The following USH2A variants were observed in gnomAD, a reference collection of about 807,000 sequenced individuals.
The protein encoded by USH2A is usherin.
A neutral mutation model predicts 538.9 loss-of-function variants in USH2A; 443 were observed. That is an observed-to-expected ratio of 0.82 (90% CI 0.76 to 0.89). The LOEUF (loss-of-function observed/expected upper bound fraction) is 0.89, where lower values mean the gene tolerates loss of function less well. Ranked by LOEUF, USH2A falls within the 40% of genes least tolerant of loss-of-function variation. The pLI is 0.00. For synonymous variants in USH2A, 2,413 were observed against 2,273.5 expected, an observed-to-expected ratio of 1.06 and a Z score of -1.75; for missense variants, 6,633 against 6,324.8, an observed-to-expected ratio of 1.05 and a Z score of -1.65.
intron 35 of USH2A, among the ~76,000 whole-genome samples, chr1:215,974,421 T>A (rs1667572320): frequency 6.6e-6 from 1 of 152,078 alleles, no homozygotes; most frequent in Admixed American, 6.6e-5. Flanking sequence ...GATGCTGAGG[T>A]TTGGGATGTG....
At chr1:216,070,385 A>T in intron 29 of USH2A, 93 bp from the exon 30 acceptor site, 2 of 1,147,440 alleles carry the variant, frequency 1.7e-6, no homozygotes, top group South Asian at 2.6e-5. Flanking sequence ...AGTAAATCAG[A>T]CTCAACCATT....
At chr1:216,234,976 C>T (rs1339761383) in intron 13 of USH2A, among the ~76,000 whole-genome samples, 3 of 152,092 alleles carry the variant, frequency 2.0e-5, no homozygotes, top group Non-Finnish European at 2.9e-5. Context: ...AATTCCCCTC[C>T]TCCTCTCAGG....
At chr1:216,389,275 T>C (rs1421064981) in intron 3 of USH2A, among the ~76,000 whole-genome samples, 6 of 152,178 alleles carry the variant, frequency 3.9e-5, no homozygotes, top group Admixed American at 3.3e-4. Flanking sequence ...AATAAATAAA[T>C]GCTGCCACTT....
rs1234117839 is a variant in USH2A, at chr1:216,421,807, T to C, written c.485+45A>G. 10 of 1,613,464 alleles carry C rather than the reference T, an allele frequency of 6.2e-6. No homozygotes were observed. The East Asian group carries it at 6.7e-5, about 11-fold the overall frequency. The stretch of plus-strand genomic sequence containing the variant: ...AGGCTGAAATGATCTTCACTACTAC[T>C]GGTTTTGGGGACCTATGAAAGCTTA... On this transcript the variant is annotated intron_variant, in intron 2 of 71. Coordinates refer to ENST00000307340, the MANE Select transcript of USH2A (RefSeq NM_206933.4).
chr1:216,150,069 C>A (rs979335732), intron 21 of USH2A, among the ~76,000 whole-genome samples: 2 of 152,008 alleles, frequency 1.3e-5, no homozygotes, highest in African/African-American at 4.8e-5. Flanking sequence ...CTTTTTGCAA[C>A]AGGGCTTTAC....
chr1:216,392,306 G>A (rs2039124081), intron 3 of USH2A, among the ~76,000 whole-genome samples: 1 of 151,910 alleles, frequency 6.6e-6, no homozygotes, highest in Admixed American at 6.6e-5. Context: ...CGACCATCCT[G>A]ACTAACACGG....
At chr1:216,022,727 G>C (rs1341406420) in intron 32 of USH2A, among the ~76,000 whole-genome samples, 1 of 152,058 alleles carries the variant, frequency 6.6e-6, no homozygotes, top group Non-Finnish European at 1.5e-5. Context: ...AACAGCAGAG[G>C]GGCATATTAG....
intron 20 of USH2A, among the ~76,000 whole-genome samples, chr1:216,186,604 C>G (rs2034609088): frequency 2.0e-5 from 3 of 151,854 alleles, no homozygotes; most frequent in Admixed American, 6.6e-5. Flanking sequence ...TGATTATAAC[C>G]TATAGCATTA....
At chr1:216,085,124 T>G (rs970873494) in intron 24 of USH2A, 5 of 461,332 alleles carry the variant, frequency 1.1e-5, no homozygotes, top group African/African-American at 7.8e-5. Flanking sequence ...AACCTTGGTT[T>G]TGCAGTAGCA....
intron 21 of USH2A, among the ~76,000 whole-genome samples, chr1:216,159,571 C>CAGAG (rs1553309029): frequency 4.8e-5 from 7 of 145,246 alleles, no homozygotes; most frequent in Non-Finnish European, 9.2e-5. Context: ...CACACACACA[C>CAGAG]AGAGAATATT....
intron 62 of USH2A, among the ~76,000 whole-genome samples, chr1:215,676,773 T>G (rs904746240): frequency 1.1e-4 from 15 of 141,906 alleles, no homozygotes; most frequent in African/African-American, 3.7e-4. Flanking sequence ...GCTTGCAGCC[T>G]CTGTGACCCC....
At chr1:216,068,153 A>G (rs1372088765) in intron 30 of USH2A, among the ~76,000 whole-genome samples, 1 of 152,162 alleles carries the variant, frequency 6.6e-6, no homozygotes, top group African/African-American at 2.4e-5. Context: ...TTTTTTGCCT[A>G]TGTAAACATG....
At chr1:215,969,961 G>C (rs1355385701) in intron 36 of USH2A, among the ~76,000 whole-genome samples, 1 of 152,132 alleles carries the variant, frequency 6.6e-6, no homozygotes, top group Admixed American at 6.6e-5. Flanking sequence ...ACTGAAGACT[G>C]TCCTGCTAGT....
chr1:216,172,642 A>T (rs1370477145), intron 21 of USH2A, among the ~76,000 whole-genome samples: 2 of 152,102 alleles, frequency 1.3e-5, no homozygotes, highest in Admixed American at 1.3e-4. Context: ...TATATTTTAA[A>T]CATCTAGCTT....
chr1:215,942,022 G>C (rs1024448871), intron 37 of USH2A, among the ~76,000 whole-genome samples: 2 of 152,078 alleles, frequency 1.3e-5, no homozygotes, highest in African/African-American at 4.8e-5. Context: ...ACTGGGTCCT[G>C]TGCTCAGGGT....
At chr1:215,702,271 T>G (rs1182921672) in intron 61 of USH2A, among the ~76,000 whole-genome samples, 1 of 152,168 alleles carries the variant, frequency 6.6e-6, no homozygotes, top group Non-Finnish European at 1.5e-5. Flanking sequence ...TCATTTCAAC[T>G]TTGGTGAATC....
At chr1:216,046,306 T>G in intron 32 of USH2A, 125 bp downstream of exon 32, 2 of 1,020,852 alleles carry the variant, frequency 2.0e-6, no homozygotes, top group Non-Finnish European at 2.9e-6. Flanking sequence ...TTTTTTCACA[T>G]ATTTCCTAAG....
chr1:215,718,084 T>C (rs149962841), intron 61 of USH2A, among the ~76,000 whole-genome samples: 16 of 152,300 alleles, frequency 1.1e-4, no homozygotes, highest in African/African-American at 3.6e-4. Flanking sequence ...TCCATAGATA[T>C]GATCAAAAAT....
At chr1:215,955,657 A>G (rs17025706) in intron 37 of USH2A, among the ~76,000 whole-genome samples, 6,342 of 152,240 alleles carry the variant, frequency 0.042, 151 homozygotes, top group Middle Eastern at 0.095. Flanking sequence ...AAGAATCCAA[A>G]TTCTCTAAAA....
Sources: gnomAD v4.1 joint callset for allele counts (sites outside exome capture counted in the v4.1 genomes callset) on GRCh38, gnomAD v4.1.1 for gene constraint, MANE v1.5 for transcripts, NCBI Gene and HGNC (gene_info 2026-07-23, HGNC 2026-07-21) for gene names.